CDYL: variants seen among roughly 807,000 people sequenced by gnomAD.
CDYL encodes chromodomain Y-like protein.
Under a neutral mutation model 47.3 loss-of-function variants are expected in CDYL, and 8 were observed. The ratio of observed to expected loss-of-function variants is 0.17; its 90% confidence interval spans 0.10 to 0.31. The LOEUF (loss-of-function observed/expected upper bound fraction) is 0.31, where lower values mean the gene tolerates loss of function less well. Among genes scored for constraint, CDYL ranks in the 10% least tolerant of loss-of-function variants. The probability of loss-of-function intolerance (pLI) is 1.00; values close to 1 mark genes in which losing one functional copy is unlikely to be tolerated. For synonymous variants in CDYL, 266 were observed against 265.0 expected (o/e 1.00, Z -0.04); for missense variants, 471 against 701.4 (o/e 0.67, Z 3.71).
chr6:4,943,526 C>T lies in CDYL; in HGVS notation c.1122-20C>T, dbSNP rs913805737. On this transcript the variant is annotated intron_variant, in intron 4 of 6. Transcript: ENST00000397588. ...AATATGCAATGTTTTGAGTAATTCC[C>T]CATTTATTTTTCATTTTAGAAACTT... 1 of 1,515,494 alleles carries T rather than the reference C, an allele frequency of 6.6e-7. No homozygotes were observed. Among genetic ancestry groups the T allele is most frequent in the African/African-American group, 1.4e-5 (1 of 72,638 alleles). The allele number at this position is 1,515,494 out of a possible 1,614,324, so 93.9% of individuals were successfully genotyped here.
Position 4,804,117 on chromosome 6 carries a change from C to T in CDYL, c.24+27310C>T, listed in dbSNP as rs150726291. ...TGAAACTTGGGCTGTCAGTTATTTACAGACTAACCAGTGTGGACAGAAGTA... is the reference window on the plus strand; with the variant it reads ...TGAAACTTGGGCTGTCAGTTATTTATAGACTAACCAGTGTGGACAGAAGTA... On this transcript the variant is annotated intron_variant, in intron 1 of 6. Coordinates refer to ENST00000397588, the MANE Select transcript of CDYL (RefSeq NM_004824.4). Among the ~76,000 whole-genome samples, 122 of 152,082 alleles carry T rather than the reference C, an allele frequency of 8.0e-4. 1 individual carries two copies. The East Asian group carries it at 0.019, about 24-fold the overall frequency.
intron 3 of CDYL, among the ~76,000 whole-genome samples, chr6:4,750,175 CA>C (rs967018653): frequency 8.7e-5 from 13 of 150,186 alleles, no homozygotes; most frequent in East Asian, 3.9e-4. Context: ...TCTGTCCTTG[CA>C]AAAAAAAGTT....
At chr6:4,710,452 G>C (rs1316413828) in intron 1 of CDYL, among the ~76,000 whole-genome samples, 1 of 147,338 alleles carries the variant, frequency 6.8e-6, no homozygotes, top group Admixed American at 6.9e-5. Flanking sequence ...AATTTCTGGA[G>C]AATGAGTCCA....
intron 2 of CDYL, among the ~76,000 whole-genome samples, chr6:4,918,761 G>C (rs906243611): frequency 1.3e-5 from 2 of 152,146 alleles, no homozygotes; most frequent in African/African-American, 4.8e-5. Flanking sequence ...TGTAGGGATC[G>C]CTTTGAAACT....
At chr6:4,714,552 C>T (rs747255094) in intron 1 of CDYL, 1 of 152,356 alleles carries the variant, frequency 6.6e-6, no homozygotes. Context: ...GCCCCCATCA[C>T]AGCACTGCTG....
At chr6:4,708,569 A>G (rs1191770116) in intron 1 of CDYL, among the ~76,000 whole-genome samples, 1 of 152,236 alleles carries the variant, frequency 6.6e-6, no homozygotes, top group Non-Finnish European at 1.5e-5. Flanking sequence ...TCAAGATTGT[A>G]TTGGTAGGTG....
intron 1 of CDYL, among the ~76,000 whole-genome samples, chr6:4,835,121 C>T (rs1283412959): frequency 6.6e-6 from 1 of 152,158 alleles, no homozygotes; most frequent in Non-Finnish European, 1.5e-5. Context: ...TGAGGAACTG[C>T]GATCCTTTGG....
rs114689313 is a variant in CDYL, at chr6:4,756,531, G to A, written c.186+21687G>A. ...TATTTGTGTTACTCATTCAGCAGAA[G>A]CATATGTTGCCCTGTGTAGTAATTG... On this transcript the variant is annotated intron_variant, in intron 3 of 8. Coordinates refer to the CDYL transcript ENST00000328908. Among the ~76,000 whole-genome samples the A allele has an allele frequency of 5.3e-3, 811 of 151,778 alleles. 5 individuals are homozygous for A. The highest frequency in any genetic ancestry group is 0.019 in the African/African-American group (782 of 41,316).
At chr6:4,766,473 A>G (rs1250780597) in intron 3 of CDYL, among the ~76,000 whole-genome samples, 1 of 152,054 alleles carries the variant, frequency 6.6e-6, no homozygotes, top group Non-Finnish European at 1.5e-5. Flanking sequence ...AGCCTCCCAA[A>G]GTTCTGGGAT....
At chr6:4,725,159 C>T (rs944900460) in intron 2 of CDYL, among the ~76,000 whole-genome samples, 1 of 152,216 alleles carries the variant, frequency 6.6e-6, no homozygotes, top group Non-Finnish European at 1.5e-5. Flanking sequence ...GGTGTGTTTA[C>T]AAACCTTGAG....
chr6:4,901,447 A>G (rs1319069651), intron 2 of CDYL, among the ~76,000 whole-genome samples: 1 of 152,170 alleles, frequency 6.6e-6, no homozygotes, highest in Non-Finnish European at 1.5e-5. Flanking sequence ...TACACAGGGT[A>G]CAGGCTCTCT....
At chr6:4,921,258 T>C (rs1757707492) in intron 2 of CDYL, among the ~76,000 whole-genome samples, 1 of 152,190 alleles carries the variant, frequency 6.6e-6, no homozygotes, top group South Asian at 2.1e-4. Flanking sequence ...CATGGAATAC[T>C]AGTGACTAAG....
At chr6:4,853,434 C>G (rs1048745078) in intron 1 of CDYL, among the ~76,000 whole-genome samples, 1 of 152,188 alleles carries the variant, frequency 6.6e-6, no homozygotes, top group African/African-American at 2.4e-5. Context: ...GCGGAACCTC[C>G]AAACCGTTGT....
At chr6:4,926,523 A>C (rs1757879165) in intron 2 of CDYL, among the ~76,000 whole-genome samples, 1 of 152,352 alleles carries the variant, frequency 6.6e-6, no homozygotes, top group Middle Eastern at 3.4e-3. Context: ...TTGATTAGAC[A>C]ATTCTAAACT....
chr6:4,884,281 T>C (rs1451303935), intron 1 of CDYL, among the ~76,000 whole-genome samples: 1 of 152,164 alleles, frequency 6.6e-6, no homozygotes, highest in African/African-American at 2.4e-5. Flanking sequence ...TGTTTTATGG[T>C]ATTGCTTTAG....
At chr6:4,856,984 C>A (rs922018967) in intron 1 of CDYL, among the ~76,000 whole-genome samples, 3 of 152,150 alleles carry the variant, frequency 2.0e-5, no homozygotes, top group African/African-American at 7.2e-5. Flanking sequence ...CCTTTCTCAG[C>A]CAGCCGGGGG....
chr6:4,944,489 C>T (rs1042507705), intron 5 of CDYL, among the ~76,000 whole-genome samples: 2 of 152,208 alleles, frequency 1.3e-5, no homozygotes, highest in Admixed American at 1.3e-4. Flanking sequence ...TCCCTAAAGG[C>T]GCCCTGTGGC....
intron 1 of CDYL, among the ~76,000 whole-genome samples, chr6:4,881,455 C>T (rs990721863): frequency 3.9e-5 from 6 of 152,128 alleles, no homozygotes; most frequent in East Asian, 1.9e-4. Flanking sequence ...GGCTGCATCC[C>T]GGGCCTCAGA....
chr6:4,836,566 T>C (rs1396448516), intron 1 of CDYL, among the ~76,000 whole-genome samples: 1 of 152,226 alleles, frequency 6.6e-6, no homozygotes, highest in African/African-American at 2.4e-5. Context: ...ACTTTGTCCT[T>C]CTAAAGTCCT....
Sources: allele counts gnomAD v4.1 joint callset (sites outside exome capture counted in the v4.1 genomes callset), GRCh38; gene constraint gnomAD v4.1.1; transcripts MANE v1.5; gene names NCBI Gene and HGNC (gene_info 2026-07-23, HGNC 2026-07-21).